ZMYM2: variants seen among roughly 807,000 people sequenced by gnomAD.
ZMYM2 encodes the protein zinc finger MYM-type protein 2.
In ZMYM2, 56 loss-of-function variants were observed where a neutral mutation model predicts 162.8. That is an observed-to-expected ratio of 0.34 (90% CI 0.28 to 0.43). ZMYM2 has a LOEUF of 0.43. Among genes scored for constraint, ZMYM2 ranks in the 20% least tolerant of loss-of-function variants. ZMYM2 has a pLI of 1.00. For synonymous variants in ZMYM2, 510 were observed against 541.6 expected (o/e 0.94, Z 0.81); for missense variants, 1,275 against 1,621.8 (o/e 0.79, Z 3.67).
At chr13:20,057,234 C>T (rs936228281) in intron 14 of ZMYM2, among the ~76,000 whole-genome samples, 2 of 152,148 alleles carry the variant, frequency 1.3e-5, no homozygotes, top group Non-Finnish European at 1.5e-5. Context: ...TCTAGAGTAG[C>T]TGGGACTAGA....
At chr13:20,083,932 T>G (rs183436876) in intron 24 of ZMYM2, among the ~76,000 whole-genome samples, 156 bp downstream of exon 24, 1 of 152,378 alleles carries the variant, frequency 6.6e-6, no homozygotes, top group African/African-American at 2.4e-5. Flanking sequence ...TCTTTTATTT[T>G]GAAATACCCA....
At chr13:20,046,785 A>G (rs998982068) in intron 12 of ZMYM2, among the ~76,000 whole-genome samples, 1 of 151,692 alleles carries the variant, frequency 6.6e-6, no homozygotes. Flanking sequence ...ACAAAAGACC[A>G]TGTTATTGTA....
At chr13:19,895,102 A>G in the ZMYM2 span, among the ~76,000 whole-genome samples, 1 of 150,980 alleles carries the variant, frequency 6.6e-6, no homozygotes, top group African/African-American at 2.4e-5. Context: ...AAAAAAGAAA[A>G]TTAACATATT....
At chr13:20,076,172 A>G (rs1957492528) in intron 21 of ZMYM2, among the ~76,000 whole-genome samples, 1 of 150,388 alleles carries the variant, frequency 6.6e-6, no homozygotes, top group South Asian at 2.1e-4. Context: ...CAGTCCCTCT[A>G]AGTCAGCAGG....
the ZMYM2 span, among the ~76,000 whole-genome samples, chr13:19,897,072 C>CAAAAAA: frequency 9.0e-6 from 1 of 111,442 alleles, no homozygotes; most frequent in Non-Finnish European, 1.9e-5. Flanking sequence ...GACTCTGCCT[C>CAAAAAA]AAAAAAAAAA....
At chr13:20,076,184 A>G (rs1385657676) in intron 21 of ZMYM2, among the ~76,000 whole-genome samples, 1 of 150,426 alleles carries the variant, frequency 6.6e-6, no homozygotes, top group Non-Finnish European at 1.5e-5. Flanking sequence ...GTCAGCAGGA[A>G]CAGGCCTAAC....
chr13:19,969,412 T>G (rs1420462831), intron 2 of ZMYM2, among the ~76,000 whole-genome samples: 1 of 152,222 alleles, frequency 6.6e-6, no homozygotes, highest in Admixed American at 6.5e-5. Context: ...CGTAGGAGAT[T>G]TACTTGATTG....
intron 21 of ZMYM2, among the ~76,000 whole-genome samples, chr13:20,077,920 C>G (rs1334571643): frequency 6.6e-6 from 1 of 151,144 alleles, no homozygotes; most frequent in Non-Finnish European, 1.5e-5. Flanking sequence ...TGGGTTCACG[C>G]CATTCTCCTG....
At chr13:19,959,219 C>T (rs1954884965) in intron 1 of ZMYM2, among the ~76,000 whole-genome samples, 1 of 128,380 alleles carries the variant, frequency 7.8e-6, no homozygotes, top group African/African-American at 2.9e-5. Context: ...GCCGGCCGCC[C>T]GGGGAGGTCG....
At chr13:19,905,806 G>T in the ZMYM2 span, among the ~76,000 whole-genome samples, 3 of 151,926 alleles carry the variant, frequency 2.0e-5, no homozygotes, top group Non-Finnish European at 2.9e-5. Context: ...CTTTTTTATT[G>T]CAATTGCCTC....
chr13:20,032,148 G>T (rs1279387560), intron 10 of ZMYM2, among the ~76,000 whole-genome samples: 1 of 152,150 alleles, frequency 6.6e-6, no homozygotes. Context: ...TGGGATTACA[G>T]GCATGAGCCA....
the ZMYM2 span, among the ~76,000 whole-genome samples, chr13:19,873,881 A>T: frequency 6.6e-6 from 1 of 152,136 alleles, no homozygotes. Flanking sequence ...ACCCAACCCC[A>T]TGCCTGGCAC....
Position 20,066,859 on chromosome 13 carries a change from G to T in ZMYM2, c.3141G>T (p.Lys1047Asn). Reference sequence around the variant, plus strand: ...GTGTTTTTTACTAATAGGGAGCCAAGAGAAAGGCTGTATCAGGATACCAGT... The same window carrying T: ...GTGTTTTTTACTAATAGGGAGCCAATAGAAAGGCTGTATCAGGATACCAGT... Reference protein sequence around the residue: ...PRPRSKKKGAKRKAVSGYQSH... With the variant: ...PRPRSKKKGANRKAVSGYQSH... Residue 1047 changes from lysine to asparagine, a missense_variant, in exon 20 of 25, where the codon AAG becomes AAT. By Grantham distance (94) the Lys-to-Asn change is moderately conservative. Around this residue, in one of 10 missense-constraint regions of ZMYM2, gnomAD observed 229 missense variants for 283.8 expected, o/e 0.81. Transcript: ENST00000610343. The T allele has an allele frequency of 6.3e-7, 1 of 1,591,648 alleles. No individual in the cohort carries two copies. The highest frequency in any genetic ancestry group is 1.2e-5 in the South Asian group (1 of 86,340).
chr13:19,999,179 T>C (rs1375491562), intron 3 of ZMYM2, among the ~76,000 whole-genome samples: 1 of 152,188 alleles, frequency 6.6e-6, no homozygotes, highest in Non-Finnish European at 1.5e-5. Flanking sequence ...AATTTGACAT[T>C]GGATTGGTCA....
intron 21 of ZMYM2, 92 bp downstream of exon 21, chr13:20,067,482 C>T: frequency 7.7e-7 from 1 of 1,295,006 alleles, no homozygotes; most frequent in African/African-American, 1.5e-5. Flanking sequence ...CCTTTATTGA[C>T]TTACCAAGAA....
intron 14 of ZMYM2, among the ~76,000 whole-genome samples, chr13:20,054,186 C>T (rs981396354): frequency 6.6e-5 from 10 of 152,202 alleles, no homozygotes; most frequent in Non-Finnish European, 1.5e-4. Flanking sequence ...AGGAGCTTAG[C>T]TGTATAATTT....
the ZMYM2 span, among the ~76,000 whole-genome samples, chr13:19,952,316 G>A: frequency 9.9e-5 from 15 of 152,008 alleles, no homozygotes; most frequent in Non-Finnish European, 2.1e-4. Flanking sequence ...TCAAGAGACT[G>A]TACACCATAT....
the ZMYM2 span, among the ~76,000 whole-genome samples, chr13:19,952,039 G>A: frequency 2.6e-5 from 4 of 152,130 alleles, no homozygotes; most frequent in African/African-American, 4.8e-5. Flanking sequence ...TATACACAAC[G>A]GAATATTATT....
At chr13:19,909,431 G>GT in the ZMYM2 span, among the ~76,000 whole-genome samples, 642 of 96,150 alleles carry the variant, frequency 6.7e-3, 12 homozygotes, top group African/African-American at 0.017. Context: ...TGCCTTTTTC[G>GT]TTTTTTTTTT....
Sources: allele counts gnomAD v4.1 joint callset (sites outside exome capture counted in the v4.1 genomes callset), GRCh38; gene constraint gnomAD v4.1.1; regional missense constraint gnomAD v4.1.1; transcripts MANE v1.5; gene names NCBI Gene and HGNC (gene_info 2026-07-23, HGNC 2026-07-21).